Variants in BTG4 observed in about 807,000 individuals in gnomAD.
BTG4 encodes BTG anti-proliferation factor 4.
A neutral mutation model predicts 19.3 loss-of-function variants in BTG4; 10 were observed. The ratio of observed to expected loss-of-function variants is 0.52; its 90% CI spans 0.32 to 0.88. The LOEUF (loss-of-function observed/expected upper bound fraction) is 0.88, where lower values mean the gene tolerates loss of function less well. BTG4 is among the 40% of genes least tolerant of loss of function. BTG4 has a pLI of 0.04. For synonymous variants in BTG4, 91 were observed against 95.7 expected, an observed-to-expected ratio of 0.95 and a Z score of 0.29; for missense variants, 238 against 281.9, an observed-to-expected ratio of 0.84 and a Z score of 1.11.
At chr11:111,497,847 C>CT (rs1209570007) in intron 3 of BTG4, 151 bp downstream of exon 3, 7 of 884,382 alleles carry the variant, frequency 7.9e-6, no homozygotes, top group Non-Finnish European at 1.2e-5. Context: ...TCTGCATTGT[C>CT]TAACAGAAGT....
chr11:111,404,599 G>C, the BTG4 span: 1 of 456,202 alleles, frequency 2.2e-6, no homozygotes, highest in East Asian at 6.9e-5. Flanking sequence ...AAGGGTAACA[G>C]ACCCCACATT....
the BTG4 span, among the ~76,000 whole-genome samples, chr11:111,386,868 A>T: frequency 2.0e-5 from 3 of 152,298 alleles, no homozygotes; most frequent in Admixed American, 2.0e-4. Flanking sequence ...TGGCACATGT[A>T]TATCATTTCA....
chr11:111,409,212 T>C, the BTG4 span, among the ~76,000 whole-genome samples: 1 of 152,116 alleles, frequency 6.6e-6, no homozygotes, highest in African/African-American at 2.4e-5. Context: ...TAGGAGATGA[T>C]AGGAGCTGGA....
intron 1 of BTG4, among the ~76,000 whole-genome samples, chr11:111,509,822 G>T (rs1181395944): frequency 6.6e-6 from 1 of 151,310 alleles, no homozygotes; most frequent in Non-Finnish European, 1.5e-5. Flanking sequence ...TCCTTCAAAA[G>T]CTGTGGGAGA....
chr11:111,394,723 G>C, the BTG4 span, among the ~76,000 whole-genome samples: 3 of 152,142 alleles, frequency 2.0e-5, no homozygotes, highest in Non-Finnish European at 4.4e-5. Context: ...CTCCTCTTTA[G>C]ACACTTGTGC....
the BTG4 span, chr11:111,385,913 C>A: frequency 6.6e-6 from 1 of 152,158 alleles, no homozygotes; most frequent in Non-Finnish European, 1.5e-5. Context: ...CCTGCAATCC[C>A]AGCACTTTGG....
At chr11:111,424,826 C>T in the BTG4 span, among the ~76,000 whole-genome samples, 165 of 152,204 alleles carry the variant, frequency 1.1e-3, 1 homozygote, top group African/African-American at 3.2e-3. Flanking sequence ...GGCGTGGTGG[C>T]AGGTGCCTGT....
chr11:111,390,820 A>C, the BTG4 span, among the ~76,000 whole-genome samples: 1 of 152,212 alleles, frequency 6.6e-6, no homozygotes, highest in African/African-American at 2.4e-5. Flanking sequence ...TTATCTTCCC[A>C]AAACAAGGCA....
the BTG4 span, chr11:111,404,657 A>G: frequency 4.4e-6 from 2 of 456,266 alleles, no homozygotes; most frequent in South Asian, 3.1e-5. Flanking sequence ...AAATACAAAA[A>G]CACATCTCAG....
the BTG4 span, chr11:111,460,347 G>C: frequency 2.0e-5 from 3 of 152,666 alleles, no homozygotes; most frequent in East Asian, 5.8e-4. Context: ...GCTTTACCTC[G>C]GGGAGTGAGA....
the BTG4 span, among the ~76,000 whole-genome samples, chr11:111,442,014 G>A: frequency 1.2e-4 from 18 of 151,872 alleles, no homozygotes; most frequent in African/African-American, 3.9e-4. Flanking sequence ...AGCCGAGATC[G>A]CACCAGTGTA....
chr11:111,456,301 C>T, the BTG4 span, among the ~76,000 whole-genome samples: 3 of 152,074 alleles, frequency 2.0e-5, no homozygotes, highest in Non-Finnish European at 2.9e-5. The surrounding 1 kb of genome is among the most constrained non-coding windows in gnomAD (Gnocchi z 4.2). Flanking sequence ...CAGTCTCTGC[C>T]GGCCTGCGCA....
At chr11:111,457,224 G>T in the BTG4 span, 15 of 152,766 alleles carry the variant, frequency 9.8e-5, no homozygotes, top group Non-Finnish European at 2.1e-4. Flanking sequence ...GCATCAAGGT[G>T]CCCGTGCTGG....
intron 5 of BTG4, chr11:111,473,215 G>C (rs936759654): frequency 1.3e-5 from 2 of 152,500 alleles, no homozygotes; most frequent in Non-Finnish European, 2.9e-5. Context: ...AGTACTCTCA[G>C]GTCCACATTC....
At chr11:111,426,243 T>C in the BTG4 span, among the ~76,000 whole-genome samples, 140 of 150,374 alleles carry the variant, frequency 9.3e-4, no homozygotes, top group African/African-American at 3.4e-3. Context: ...CAAGAAACCA[T>C]GAAAGCAGTG....
chr11:111,489,174 A>C (rs1449775957), intron 5 of BTG4, among the ~76,000 whole-genome samples: 3 of 152,060 alleles, frequency 2.0e-5, no homozygotes, highest in African/African-American at 7.2e-5. Context: ...GCCAACAGGT[A>C]TGTGAAAAAA....
chr11:111,498,684 T>C lies in BTG4; in HGVS notation c.93A>G (p.Ala31=), dbSNP rs147235614. The change falls in exon 2 of 5, where the codon GCA becomes GCG. Residue 31 remains alanine, a synonymous_variant. Coordinates refer to ENST00000692032, the MANE Select transcript of BTG4 (RefSeq NM_001367975.1). ...CAAACAAGATCGTCATCAGCTTTTCTGCAAAGTCTTCTATTTGCTGTTTAC... is the reference window on the plus strand; with the variant it reads ...CAAACAAGATCGTCATCAGCTTTTCCGCAAAGTCTTCTATTTGCTGTTTAC... The part of the protein sequence containing the change: ...KLSKQQIEDF[A]EKLMTILFET... 222 of 1,613,932 alleles carry C rather than the reference T, an allele frequency of 1.4e-4. 1 individual carries two copies. In the African/African-American group the frequency reaches 2.8e-3, roughly 21 times the overall value.
intron 1 of BTG4, among the ~76,000 whole-genome samples, chr11:111,507,231 T>C (rs1487181881): frequency 3.3e-5 from 5 of 152,140 alleles, no homozygotes; most frequent in Admixed American, 2.6e-4. Flanking sequence ...TTTGGCTTAA[T>C]AGAGTTACAG....
At chr11:111,436,434 T>G in the BTG4 span, among the ~76,000 whole-genome samples, 1 of 152,160 alleles carries the variant, frequency 6.6e-6, no homozygotes, top group African/African-American at 2.4e-5. Flanking sequence ...AAGACTAGCC[T>G]GGCAAACATG....
Sources: allele counts gnomAD v4.1 joint callset (sites outside exome capture counted in the v4.1 genomes callset), GRCh38; gene constraint gnomAD v4.1.1; non-coding constraint Gnocchi (gnomAD v3.1); transcripts MANE v1.5; gene names NCBI Gene and HGNC (gene_info 2026-07-23, HGNC 2026-07-21).